Variants in KCNN3 observed in about 807,000 individuals in gnomAD.
KCNN3 encodes the protein potassium calcium-activated channel subfamily N member 3, also known as small conductance calcium-activated potassium channel protein 3.
A neutral mutation model predicts 62.9 loss-of-function variants in KCNN3; 16 were observed. That is an observed-to-expected ratio of 0.25 (90% CI 0.17 to 0.39). The LOEUF (loss-of-function observed/expected upper bound fraction) is 0.39, where lower values mean the gene tolerates loss of function less well. Ranked by LOEUF, KCNN3 falls within the 10% of genes least tolerant of loss-of-function variation. The probability of loss-of-function intolerance (pLI) is 1.00; values close to 1 mark genes in which losing one functional copy is unlikely to be tolerated. For missense variants in KCNN3, 599 were observed against 949.4 expected (o/e 0.63, Z 4.85); for synonymous variants, 370 against 389.2 (o/e 0.95, Z 0.58).
chr1:154,835,910 C>T (rs1651563922), intron 1 of KCNN3, among the ~76,000 whole-genome samples: 1 of 152,210 alleles, frequency 6.6e-6, no homozygotes, highest in Non-Finnish European at 1.5e-5. Context: ...TCTTCTAACA[C>T]AGGGTTGCCA....
intron 1 of KCNN3, among the ~76,000 whole-genome samples, chr1:154,829,386 C>A (rs1280149347): frequency 6.6e-6 from 1 of 152,224 alleles, no homozygotes; most frequent in Non-Finnish European, 1.5e-5. Context: ...CCTGCCTGAG[C>A]CCACTGTGTG....
chr1:154,704,136 G>A lies in KCNN3; in HGVS notation c.*3840C>T, dbSNP rs895504685. ...TTCTTGGCTTTTAATAATAAAAATA[G>A]CTTGTACATGCTCAGCGCTTGGAAT... On this transcript the variant is annotated 3_prime_UTR_variant, in exon 8 of 8. Coordinates refer to ENST00000271915, the MANE Select transcript of KCNN3 (RefSeq NM_002249.6). The A allele has an allele frequency of 5.3e-5, 8 of 152,166 alleles. No homozygotes were observed. Among genetic ancestry groups the A allele is most frequent in the African/African-American group, 1.4e-4 (6 of 41,428 alleles). 9.4% of individuals were successfully genotyped at this position (152,166 alleles called of 1,614,324 possible). A position where few individuals can be genotyped will look rare whatever the true frequency, so the allele number is the denominator to read the frequency against.
chr1:154,749,888 C>T (rs1647281856), intron 3 of KCNN3, among the ~76,000 whole-genome samples: 1 of 152,150 alleles, frequency 6.6e-6, no homozygotes, highest in Admixed American at 6.5e-5. Flanking sequence ...CCACAAGCAG[C>T]CTGCCCAGGG....
intron 1 of KCNN3, among the ~76,000 whole-genome samples, chr1:154,860,165 A>G (rs1219024948): frequency 6.6e-6 from 1 of 152,210 alleles, no homozygotes; most frequent in Non-Finnish European, 1.5e-5. Flanking sequence ...AAGGGGCAGA[A>G]AGAATCTTTA....
At chr1:154,801,114 T>TG (rs1649934104) in intron 2 of KCNN3, among the ~76,000 whole-genome samples, 1 of 118,376 alleles carries the variant, frequency 8.4e-6, no homozygotes, top group African/African-American at 2.7e-5. Context: ...TTTAGGATTC[T>TG]GGGGGAGATG....
chr1:154,744,056 C>T (rs895086652), intron 3 of KCNN3, among the ~76,000 whole-genome samples: 2 of 152,142 alleles, frequency 1.3e-5, no homozygotes, highest in Admixed American at 6.5e-5. Context: ...CAGCTTCTCC[C>T]GAGTCATTCT....
chr1:154,826,699 A>C (rs888908284), intron 1 of KCNN3, among the ~76,000 whole-genome samples: 4 of 152,236 alleles, frequency 2.6e-5, no homozygotes, highest in Non-Finnish European at 5.9e-5. Context: ...CCAGCTTCTG[A>C]GCCAGCCACA....
intron 3 of KCNN3, among the ~76,000 whole-genome samples, chr1:154,757,812 G>A (rs1022908559): frequency 2.0e-5 from 3 of 152,136 alleles, no homozygotes; most frequent in African/African-American, 7.2e-5. Context: ...CACTGGGTTG[G>A]AGCAGAGAAG....
chr1:154,754,390 A>C, intron 3 of KCNN3, among the ~76,000 whole-genome samples: 1 of 152,084 alleles, frequency 6.6e-6, no homozygotes, highest in East Asian at 1.9e-4. Context: ...ATGGGGAACG[A>C]TTTGAGCCTG....
At chr1:154,804,710 C>G (rs775257825) in intron 2 of KCNN3, among the ~76,000 whole-genome samples, 1 of 152,078 alleles carries the variant, frequency 6.6e-6, no homozygotes, top group Non-Finnish European at 1.5e-5. Flanking sequence ...TAGTCCTAAT[C>G]CCTTTTACAT....
At chr1:154,760,247 T>C (rs1391734053) in intron 3 of KCNN3, among the ~76,000 whole-genome samples, 1 of 151,798 alleles carries the variant, frequency 6.6e-6, no homozygotes, top group Non-Finnish European at 1.5e-5. Flanking sequence ...CTAAGTCATG[T>C]ATAATTATTT....
At chr1:154,758,586 A>T (rs1647847668) in intron 3 of KCNN3, among the ~76,000 whole-genome samples, 1 of 152,016 alleles carries the variant, frequency 6.6e-6, no homozygotes, top group Non-Finnish European at 1.5e-5. Flanking sequence ...CAGGGCCACT[A>T]CTCAAAGGCA....
intron 1 of KCNN3, among the ~76,000 whole-genome samples, chr1:154,830,864 T>G (rs894979349): frequency 1.3e-5 from 2 of 152,106 alleles, no homozygotes; most frequent in African/African-American, 4.8e-5. Flanking sequence ...AAAAGGTCAT[T>G]TAGGAGACCA....
chr1:154,714,296 TG>T, intron 6 of KCNN3, among the ~76,000 whole-genome samples: 1 of 135,282 alleles, frequency 7.4e-6, no homozygotes. Flanking sequence ...GTGGTGTGTA[TG>T]GTGTGTGTGT....
chr1:154,826,687 C>A (rs1317724602), intron 1 of KCNN3, among the ~76,000 whole-genome samples: 2 of 152,226 alleles, frequency 1.3e-5, no homozygotes. Flanking sequence ...GGAGTGTGTT[C>A]CCCAGCTTCT....
chr1:154,755,555 A>G (rs796928640), intron 3 of KCNN3, among the ~76,000 whole-genome samples: 18,926 of 95,822 alleles, frequency 0.2, 2,177 homozygotes, highest in East Asian at 0.37. Context: ...AGGAAGGAAG[A>G]AAGAAAGAAA....
intron 2 of KCNN3, among the ~76,000 whole-genome samples, chr1:154,798,417 C>T (rs140118984): frequency 1.6e-4 from 25 of 152,322 alleles, no homozygotes; most frequent in African/African-American, 6.0e-4. Flanking sequence ...AATAGCGAGG[C>T]AGGACATTCG....
At chr1:154,734,732 A>G (rs970179627) in intron 3 of KCNN3, among the ~76,000 whole-genome samples, 5 of 152,224 alleles carry the variant, frequency 3.3e-5, no homozygotes, top group African/African-American at 1.2e-4. Flanking sequence ...CTGTGCATGT[A>G]TTGAGCACCT....
rs768050294 is a variant in KCNN3, at chr1:154,733,087, G to A, written c.1506C>T (p.Ser502=). Residue 502 remains serine, a synonymous_variant, in exon 4 of 8, where the codon TCC becomes TCT. Coordinates refer to ENST00000271915, the MANE Select transcript of KCNN3 (RefSeq NM_002249.6). ...SNFLGAMWLI[S]ITFLSIGYGD... ...CATAACCAATGGAAAGGAATGTGAT[G>A]GAGATGAGCCACATGGCACCCAGAA... The A allele has an allele frequency of 6.2e-7, 1 of 1,614,028 alleles. No individual in the cohort carries two copies. Among genetic ancestry groups the A allele is most frequent in the Non-Finnish European group, 8.5e-7 (1 of 1,179,970 alleles).
Sources: allele counts gnomAD v4.1 joint callset (sites outside exome capture counted in the v4.1 genomes callset), GRCh38; gene constraint gnomAD v4.1.1; transcripts MANE v1.5; gene names NCBI Gene and HGNC (gene_info 2026-07-23, HGNC 2026-07-21).